ATF7IP2: variants seen among roughly 807,000 people sequenced by gnomAD.
ATF7IP2 encodes activating transcription factor 7 interacting protein 2, also known as activating transcription factor 7-interacting protein 2.
Under a neutral mutation model 64.2 loss-of-function variants are expected in ATF7IP2, and 42 were observed. The ratio of observed to expected loss-of-function variants is 0.65; its 90% CI spans 0.51 to 0.85. The LOEUF is 0.85. ATF7IP2 is among the 40% of genes least tolerant of loss of function. The probability of loss-of-function intolerance (pLI) is 0.00; values close to 1 mark genes in which losing one functional copy is unlikely to be tolerated. For missense variants in ATF7IP2, 933 were observed against 784.2 expected, an observed-to-expected ratio of 1.19 and a Z score of -2.27; for synonymous variants, 308 against 272.8, an observed-to-expected ratio of 1.13 and a Z score of -1.27.
At chr16:10,469,096 C>G (rs2049691217) in intron 9 of ATF7IP2, among the ~76,000 whole-genome samples, 1 of 152,144 alleles carries the variant, frequency 6.6e-6, no homozygotes, top group Admixed American at 6.5e-5. Flanking sequence ...TTTACAATAT[C>G]TGACATCTAA....
intron 2 of ATF7IP2, 54 bp from the exon 3 acceptor site, chr16:10,419,527 T>G (rs184331217): frequency 6.5e-6 from 1 of 153,108 alleles, no homozygotes; most frequent in African/African-American, 2.4e-5. Context: ...TGATCACTGC[T>G]ATCATAGCTA....
chr16:10,463,262 A>G (rs182977559), intron 9 of ATF7IP2, among the ~76,000 whole-genome samples: 5 of 152,314 alleles, frequency 3.3e-5, no homozygotes. Context: ...TTCACTCTGT[A>G]CTCTGGAAAG....
intron 12 of ATF7IP2, among the ~76,000 whole-genome samples, chr16:10,477,027 C>G (rs1254634185): frequency 6.6e-6 from 1 of 152,084 alleles, no homozygotes; most frequent in African/African-American, 2.4e-5. Flanking sequence ...AGTAATGAGA[C>G]TGCTAGGCCA....
At chr16:10,441,030 C>G (rs1368052667) in intron 8 of ATF7IP2, among the ~76,000 whole-genome samples, 10 of 152,138 alleles carry the variant, frequency 6.6e-5, no homozygotes, top group African/African-American at 2.2e-4. Flanking sequence ...TGTTAGTTTG[C>G]TGAGAATGAT....
chr16:10,402,925 T>G (rs2047563994), intron 1 of ATF7IP2, among the ~76,000 whole-genome samples: 1 of 151,388 alleles, frequency 6.6e-6, no homozygotes, highest in Admixed American at 6.6e-5. Context: ...AAAAAAAATG[T>G]TGAGTCTTGT....
intron 8 of ATF7IP2, among the ~76,000 whole-genome samples, chr16:10,454,695 A>G (rs2049109791): frequency 6.6e-6 from 1 of 152,134 alleles, no homozygotes; most frequent in Non-Finnish European, 1.5e-5. Context: ...ATTTCCTTCT[A>G]AGTATCACTT....
chr16:10,463,723 T>G (rs1261771974), intron 9 of ATF7IP2, among the ~76,000 whole-genome samples: 1 of 152,236 alleles, frequency 6.6e-6, no homozygotes, highest in Admixed American at 6.5e-5. Flanking sequence ...AGATAATGAA[T>G]GTTTGGATTT....
intron 2 of ATF7IP2, among the ~76,000 whole-genome samples, chr16:10,418,718 G>T (rs2047927726): frequency 6.6e-6 from 1 of 152,194 alleles, no homozygotes; most frequent in Non-Finnish European, 1.5e-5. Flanking sequence ...CGACAAGTTT[G>T]TAGAGTGCCC....
intron 9 of ATF7IP2, among the ~76,000 whole-genome samples, chr16:10,469,724 C>T (rs192361281): frequency 4.3e-4 from 66 of 152,022 alleles, no homozygotes; most frequent in Non-Finnish European, 8.1e-4. Context: ...TGCGGTGAGC[C>T]GAGATCATGC....
chr16:10,436,961 A>G (rs1009295306), intron 6 of ATF7IP2, among the ~76,000 whole-genome samples: 2 of 151,766 alleles, frequency 1.3e-5, no homozygotes, highest in African/African-American at 2.4e-5. Context: ...ATTTGTTAGA[A>G]TGGCATGCAT....
intron 1 of ATF7IP2, among the ~76,000 whole-genome samples, chr16:10,402,527 A>AT (rs1453974648): frequency 1.3e-5 from 2 of 151,966 alleles, no homozygotes; most frequent in African/African-American, 2.4e-5. Flanking sequence ...CATTGGCATG[A>AT]TTTTTTACTT....
At chr16:10,401,323 A>G (rs1473888440) in intron 1 of ATF7IP2, among the ~76,000 whole-genome samples, 1 of 151,854 alleles carries the variant, frequency 6.6e-6, no homozygotes, top group Non-Finnish European at 1.5e-5. Flanking sequence ...GCGTACCACC[A>G]TGCCTGGCTC....
intron 1 of ATF7IP2, among the ~76,000 whole-genome samples, chr16:10,387,995 C>G (rs796121310): frequency 6.6e-6 from 1 of 152,178 alleles, no homozygotes; most frequent in East Asian, 1.9e-4. Context: ...CTCCTCCCTC[C>G]GGGTTCAAGT....
At chr16:10,462,996 G>T (rs2049425014) in intron 9 of ATF7IP2, among the ~76,000 whole-genome samples, 1 of 151,988 alleles carries the variant, frequency 6.6e-6, no homozygotes, top group South Asian at 2.1e-4. Flanking sequence ...TTCAGTTCTT[G>T]GTTATTTTTT....
intron 3 of ATF7IP2, among the ~76,000 whole-genome samples, chr16:10,424,517 T>C (rs1037961897): frequency 4.6e-5 from 7 of 152,236 alleles, no homozygotes; most frequent in African/African-American, 1.4e-4. Flanking sequence ...AATTTTACAC[T>C]GTTTTCAAAG....
At chr16:10,469,792 C>G (rs1404557850) in intron 9 of ATF7IP2, among the ~76,000 whole-genome samples, 1 of 151,144 alleles carries the variant, frequency 6.6e-6, no homozygotes, top group Non-Finnish European at 1.5e-5. Context: ...AAAAAAGGAA[C>G]AAAAAGTAAG....
chr16:10,410,794 C>G (rs1012015377), intron 1 of ATF7IP2, among the ~76,000 whole-genome samples: 1 of 152,110 alleles, frequency 6.6e-6, no homozygotes, highest in African/African-American at 2.4e-5. Context: ...TCTGCTTCTT[C>G]CTGATTTAAA....
chr16:10,469,751 G>A (rs746011111), intron 9 of ATF7IP2, among the ~76,000 whole-genome samples: 2 of 152,054 alleles, frequency 1.3e-5, no homozygotes, highest in Non-Finnish European at 2.9e-5. Context: ...ACTCCAGCCT[G>A]GGAAACGAGC....
At chr16:10,397,663 G>C (rs559063565) in intron 1 of ATF7IP2, among the ~76,000 whole-genome samples, 1 of 151,944 alleles carries the variant, frequency 6.6e-6, no homozygotes, top group Admixed American at 6.6e-5. Flanking sequence ...AATCGTTTGA[G>C]CTTAGGAGTT....
Sources: gnomAD v4.1 joint callset for allele counts (sites outside exome capture counted in the v4.1 genomes callset) on GRCh38, gnomAD v4.1.1 for gene constraint, MANE v1.5 for transcripts, NCBI Gene and HGNC (gene_info 2026-07-23, HGNC 2026-07-21) for gene names.